The following TPRG1 variants were observed in gnomAD, a reference collection of about 807,000 sequenced individuals.
TPRG1 encodes tumor protein p63 regulated 1, also known as tumor protein p63-regulated gene 1 protein.
A neutral mutation model predicts 29.3 loss-of-function variants in TPRG1; 29 were observed. The ratio of observed to expected loss-of-function variants is 0.99; its 90% confidence interval spans 0.74 to 1.35. The LOEUF (loss-of-function observed/expected upper bound fraction) is 1.35. Ranked by LOEUF, TPRG1 falls within the 40% of genes most tolerant of loss-of-function variation. The probability of loss-of-function intolerance (pLI) is 0.00; values close to 1 mark genes in which losing one functional copy is unlikely to be tolerated. For missense variants in TPRG1, 327 were observed against 335.0 expected (o/e 0.98, Z 0.19); for synonymous variants, 130 against 116.8 (o/e 1.11, Z -0.73).
intron 4 of TPRG1, among the ~76,000 whole-genome samples, chr3:189,045,579 G>T (rs1289324497): frequency 1.3e-5 from 2 of 152,224 alleles, no homozygotes; most frequent in Non-Finnish European, 2.9e-5. Context: ...GAAAATGTCT[G>T]TACAGTGCAA....
At chr3:189,078,556 A>G (rs563530692) in intron 4 of TPRG1, among the ~76,000 whole-genome samples, 84 of 152,174 alleles carry the variant, frequency 5.5e-4, no homozygotes, top group Non-Finnish European at 5.0e-4. Context: ...TTGCCAATGA[A>G]ATTTCTTACC....
At chr3:189,126,590 G>A (rs1423738616) in intron 1 of TPRG1, among the ~76,000 whole-genome samples, 1 of 152,130 alleles carries the variant, frequency 6.6e-6, no homozygotes, top group African/African-American at 2.4e-5. Flanking sequence ...TAAGAGTGTG[G>A]TTTTTTGGGG....
intron 4 of TPRG1, among the ~76,000 whole-genome samples, chr3:189,268,864 A>G (rs1714585561): frequency 6.6e-6 from 1 of 152,164 alleles, no homozygotes; most frequent in South Asian, 2.1e-4. Context: ...GAAGCTAGAG[A>G]CTTTGGATCT....
At chr3:189,002,924 A>C (rs1048272811) in intron 2 of TPRG1, among the ~76,000 whole-genome samples, 2 of 152,108 alleles carry the variant, frequency 1.3e-5, no homozygotes, top group Non-Finnish European at 2.9e-5. Context: ...AAGAGGTTTG[A>C]ATGATTTAAT....
chr3:189,025,164 C>T (rs1388326655), intron 4 of TPRG1, among the ~76,000 whole-genome samples: 2 of 152,124 alleles, frequency 1.3e-5, no homozygotes, highest in African/African-American at 2.4e-5. Flanking sequence ...GCCTGAGCAC[C>T]GGTTCTTCCT....
chr3:189,033,164 C>G (rs1714033197), intron 4 of TPRG1, among the ~76,000 whole-genome samples: 1 of 152,116 alleles, frequency 6.6e-6, no homozygotes, highest in Admixed American at 6.5e-5. Context: ...TTAAGTGAAG[C>G]TGGGAAATTT....
chr3:189,159,442 G>A (rs1009625460), intron 5 of TPRG1, among the ~76,000 whole-genome samples: 1 of 152,144 alleles, frequency 6.6e-6, no homozygotes, highest in Non-Finnish European at 1.5e-5. Context: ...GGAGAATTGA[G>A]GCGAAAGTGA....
chr3:189,138,557 A>G (rs1194241152), intron 3 of TPRG1, among the ~76,000 whole-genome samples: 1 of 152,004 alleles, frequency 6.6e-6, no homozygotes, highest in Non-Finnish European at 1.5e-5. Context: ...GGTCTTTGCC[A>G]CTCAGCTGGA....
intron 1 of TPRG1, among the ~76,000 whole-genome samples, chr3:189,182,776 AATTT>A (rs61264752): frequency 0.48 from 72,280 of 151,522 alleles, 17,308 homozygotes; most frequent in South Asian, 0.55. Context: ...TCATTATAGG[AATTT>A]ATTTATTTAT....
intron 4 of TPRG1, among the ~76,000 whole-genome samples, chr3:189,285,414 T>C (rs1717890503): frequency 6.6e-6 from 1 of 152,184 alleles, no homozygotes; most frequent in Non-Finnish European, 1.5e-5. Context: ...GGAAGGGCCC[T>C]TTGAGGACAT....
At position 189,321,578 on chromosome 3, in the gene TPRG1, A is replaced by G. The variant is rs1483480142; in HGVS notation, c.*758A>G. ...TCCTCCTTTCCATTCTTATAGCTGT[A>G]TTATTAGATCAGGTTTTTAATTCTG... On this transcript the variant is annotated 3_prime_UTR_variant, in exon 6 of 6. Coordinates refer to ENST00000345063, the MANE Select transcript of TPRG1 (RefSeq NM_198485.4). 2 of 151,988 alleles carry G rather than the reference A, an allele frequency of 1.3e-5. No individual in the cohort carries two copies. The highest frequency in any genetic ancestry group is 2.9e-5 in the Non-Finnish European group (2 of 67,992). 9.4% of individuals were successfully genotyped at this position (151,988 alleles called of 1,614,324 possible).
intron 1 of TPRG1, among the ~76,000 whole-genome samples, chr3:189,105,385 C>G (rs540763285): frequency 2.6e-5 from 4 of 152,144 alleles, no homozygotes; most frequent in Admixed American, 1.3e-4. Context: ...AATTGACTTC[C>G]AGAGGAATAT....
chr3:189,075,706 A>G (rs1357344), intron 4 of TPRG1, among the ~76,000 whole-genome samples: 26,618 of 152,118 alleles, frequency 0.17, 4,637 homozygotes, highest in African/African-American at 0.46. Context: ...TCCACATCAG[A>G]GTGTATTTTT....
At chr3:189,125,692 CTCAGGGGCCCCA>C (rs1271727005) in intron 1 of TPRG1, among the ~76,000 whole-genome samples, 1 of 152,108 alleles carries the variant, frequency 6.6e-6, no homozygotes, top group African/African-American at 2.4e-5. Flanking sequence ...ATTCTGCCAG[CTCAGGGGCCCCA>C]GATCTCAGAA....
chr3:189,172,607 A>T (rs1268094920), intron 1 of TPRG1, among the ~76,000 whole-genome samples: 1 of 152,218 alleles, frequency 6.6e-6, no homozygotes, highest in Non-Finnish European at 1.5e-5. Context: ...TGAACCGTTA[A>T]ATGGCAAACA....
chr3:189,033,272 A>G (rs925902496), intron 4 of TPRG1, among the ~76,000 whole-genome samples: 2 of 150,358 alleles, frequency 1.3e-5, no homozygotes, highest in African/African-American at 2.4e-5. Flanking sequence ...CAGAGTCATT[A>G]TTCCTTTTTT....
intron 4 of TPRG1, among the ~76,000 whole-genome samples, chr3:189,263,920 C>G (rs1018426982): frequency 6.6e-6 from 1 of 152,072 alleles, no homozygotes; most frequent in Non-Finnish European, 1.5e-5. Context: ...GTAGTTTGCT[C>G]AGGTATAGGC....
chr3:189,265,354 T>A (rs1045944556), intron 4 of TPRG1, among the ~76,000 whole-genome samples: 13 of 152,196 alleles, frequency 8.5e-5, no homozygotes, highest in African/African-American at 3.1e-4. Context: ...TGTAGAGTGT[T>A]TACAGGCATG....
At chr3:189,058,877 T>C (rs1715906409) in intron 4 of TPRG1, among the ~76,000 whole-genome samples, 1 of 152,180 alleles carries the variant, frequency 6.6e-6, no homozygotes, top group Non-Finnish European at 1.5e-5. Context: ...TAAGGCATAC[T>C]TAGAAGCATT....
Sources: allele counts gnomAD v4.1 joint callset (sites outside exome capture counted in the v4.1 genomes callset), GRCh38; gene constraint gnomAD v4.1.1; transcripts MANE v1.5; gene names NCBI Gene and HGNC (gene_info 2026-07-23, HGNC 2026-07-21).